The following RGS6 variants were observed in gnomAD, a reference collection of about 807,000 sequenced individuals.
The protein encoded by RGS6 is regulator of G protein signaling 6, also known as regulator of G-protein signaling 6.
RGS6 carries 30 observed loss-of-function variants against 78.5 expected under a neutral mutation model. The ratio of observed to expected loss-of-function variants is 0.38; its 90% CI spans 0.29 to 0.52. RGS6 has a LOEUF of 0.52. RGS6 is among the 20% of genes least tolerant of loss of function. The pLI, the probability that RGS6 is intolerant of heterozygous loss-of-function variation, is 0.85. For synonymous variants in RGS6, 206 were observed against 206.0 expected, an observed-to-expected ratio of 1.00 and a Z score of 0.00; for missense variants, 495 against 609.7, an observed-to-expected ratio of 0.81 and a Z score of 1.98.
chr14:72,380,057 C>T (rs2085666996), intron 3 of RGS6, among the ~76,000 whole-genome samples: 1 of 108,694 alleles, frequency 9.2e-6, no homozygotes. Flanking sequence ...GAAGAACACT[C>T]ACTGAGGCAA....
chr14:72,176,699 C>T (rs1027638618), intron 2 of RGS6, among the ~76,000 whole-genome samples: 1 of 152,186 alleles, frequency 6.6e-6, no homozygotes, highest in Non-Finnish European at 1.5e-5. Flanking sequence ...TTGAATCTAC[C>T]TGAATAGAAA....
chr14:72,399,541 G>A (rs557498819), intron 3 of RGS6, among the ~76,000 whole-genome samples: 12 of 152,234 alleles, frequency 7.9e-5, no homozygotes, highest in East Asian at 1.9e-4. Context: ...TTTAAGGTTA[G>A]TATTGTTATG....
At chr14:72,455,478 G>C (rs1190522798) in intron 4 of RGS6, among the ~76,000 whole-genome samples, 1 of 152,298 alleles carries the variant, frequency 6.6e-6, no homozygotes, top group South Asian at 2.1e-4. Context: ...TGGCACTCCT[G>C]TATTTTAACC....
At chr14:72,354,034 G>A (rs796152869) in intron 3 of RGS6, among the ~76,000 whole-genome samples, 18 of 147,434 alleles carry the variant, frequency 1.2e-4, no homozygotes, top group Non-Finnish European at 2.0e-4. Flanking sequence ...ACACACACAC[G>A]CACACACAGG....
chr14:72,331,136 T>C (rs956664788), intron 2 of RGS6, among the ~76,000 whole-genome samples: 3 of 151,726 alleles, frequency 2.0e-5, no homozygotes, highest in Non-Finnish European at 2.9e-5. Context: ...TGGCCAAAAG[T>C]GGAGGTCAGG....
In RGS6 at chr14:72,442,512, C is replaced by G. The variant is rs568383571; in HGVS notation, c.185-12016C>G. Among the ~76,000 whole-genome samples, 33 of 152,308 alleles carry G rather than the reference C, an allele frequency of 2.2e-4. No individual in the cohort carries two copies. In the South Asian group the frequency reaches 6.8e-3, roughly 32 times the overall value. Reference sequence around the variant, plus strand: ...GTTCAATCATAGCCCTTGTAACATTCTGGTGCACCAGTTTAAGGACAGAGC... The same window carrying G: ...GTTCAATCATAGCCCTTGTAACATTGTGGTGCACCAGTTTAAGGACAGAGC... On this transcript the variant is annotated intron_variant, in intron 3 of 17. Transcript: ENST00000553525.
chr14:72,067,341 TTAGGAAA>T, intron 2 of RGS6, among the ~76,000 whole-genome samples: 1 of 151,926 alleles, frequency 6.6e-6, no homozygotes, highest in Non-Finnish European at 1.5e-5. Context: ...AGAGAGAGCA[TTAGGAAA>T]TATACCTAAT....
chr14:71,968,734 G>C (rs1315909953), intron 2 of RGS6, among the ~76,000 whole-genome samples: 1 of 152,090 alleles, frequency 6.6e-6, no homozygotes, highest in East Asian at 1.9e-4. Flanking sequence ...GTAGCCATGG[G>C]GCACATTAAA....
chr14:71,985,795 G>A (rs773684850), intron 2 of RGS6, among the ~76,000 whole-genome samples: 7 of 152,056 alleles, frequency 4.6e-5, no homozygotes, highest in African/African-American at 9.7e-5. Context: ...AGAAATTTTC[G>A]ACTTGGAACC....
chr14:72,163,739 C>T (rs969015503), intron 2 of RGS6, among the ~76,000 whole-genome samples: 2 of 151,972 alleles, frequency 1.3e-5, no homozygotes, highest in Admixed American at 6.6e-5. Context: ...AAAAATTAGC[C>T]AGGTGTGGTG....
chr14:72,304,263 G>A (rs1250911205), intron 2 of RGS6, among the ~76,000 whole-genome samples: 1 of 152,192 alleles, frequency 6.6e-6, no homozygotes, highest in Non-Finnish European at 1.5e-5. Context: ...GGTGTTGTTT[G>A]TCTGACCTTC....
chr14:72,377,380 G>A (rs944633532), intron 3 of RGS6, among the ~76,000 whole-genome samples: 17 of 151,884 alleles, frequency 1.1e-4, no homozygotes, highest in Non-Finnish European at 2.4e-4. Context: ...TAACACTAGG[G>A]CACCTAGATA....
the RGS6 span, among the ~76,000 whole-genome samples, chr14:71,921,351 C>A: frequency 6.6e-6 from 1 of 152,222 alleles, no homozygotes; most frequent in African/African-American, 2.4e-5. Flanking sequence ...CCGTATTACC[C>A]AGCATTCCCA....
chr14:72,243,347 G>A (rs2053406060), intron 2 of RGS6, among the ~76,000 whole-genome samples: 1 of 129,022 alleles, frequency 7.8e-6, no homozygotes, highest in Non-Finnish European at 1.7e-5. Flanking sequence ...TCAGTTCCTT[G>A]AATCTTGACT....
At chr14:72,593,817 C>T in the RGS6 span, among the ~76,000 whole-genome samples, 1 of 152,264 alleles carries the variant, frequency 6.6e-6, no homozygotes, top group Non-Finnish European at 1.5e-5. Context: ...TTGGGCCACC[C>T]CACCTCTTCT....
intron 15 of RGS6, among the ~76,000 whole-genome samples, chr14:72,521,209 G>A (rs2097033143): frequency 6.6e-6 from 1 of 152,172 alleles, no homozygotes; most frequent in Non-Finnish European, 1.5e-5. Context: ...TGACAATCCT[G>A]ACTTTCAAGG....
At chr14:72,578,412 T>C in the RGS6 span, among the ~76,000 whole-genome samples, 2 of 152,268 alleles carry the variant, frequency 1.3e-5, no homozygotes, top group African/African-American at 4.8e-5. Context: ...ACTCTATCCC[T>C]TCCTACTTCC....
Position 72,349,153 on chromosome 14 carries a change from G to C in RGS6, c.85-2942G>C, listed in dbSNP as rs771821664. Among the ~76,000 whole-genome samples the C allele has an allele frequency of 1.4e-3, 218 of 152,302 alleles. 2 individuals carry two copies. The highest frequency in any genetic ancestry group is 7.1e-4 in the Non-Finnish European group (48 of 68,032). On this transcript the variant is annotated intron_variant, in intron 2 of 17. Coordinates refer to ENST00000553525, the MANE Select transcript of RGS6 (RefSeq NM_001204424.2). ...CTGCACTCCAGCCTGGGTGAAGAGT[G>C]AGACTCCGTCTCAAAAAATATATAT...
intron 3 of RGS6, among the ~76,000 whole-genome samples, chr14:72,434,481 T>C (rs2153179712): frequency 6.6e-6 from 1 of 152,330 alleles, no homozygotes; most frequent in South Asian, 2.1e-4. Context: ...TAGCATTCAA[T>C]GCACTGGAAT....
Sources: allele counts gnomAD v4.1 joint callset (sites outside exome capture counted in the v4.1 genomes callset), GRCh38; gene constraint gnomAD v4.1.1; transcripts MANE v1.5; gene names NCBI Gene and HGNC (gene_info 2026-07-23, HGNC 2026-07-21).